The following TNFSF4 variants were observed in gnomAD, a reference collection of about 807,000 sequenced individuals.
The protein encoded by TNFSF4 is tumor necrosis factor ligand superfamily member 4.
TNFSF4 carries 4 observed loss-of-function variants against 7.3 expected under a neutral mutation model. The ratio of observed to expected loss-of-function variants is 0.55; its 90% CI spans 0.27 to 1.25. The LOEUF (loss-of-function observed/expected upper bound fraction) is 1.25. Among genes scored for constraint, TNFSF4 ranks in the 50% most tolerant of loss-of-function variants. The probability of loss-of-function intolerance (pLI) is 0.12; values close to 1 mark genes in which losing one functional copy is unlikely to be tolerated. For missense variants in TNFSF4, 181 were observed against 208.8 expected (o/e 0.87, Z 0.82); for synonymous variants, 76 against 83.7 (o/e 0.91, Z 0.50).
chr1:173,265,872 C>T, the TNFSF4 span, among the ~76,000 whole-genome samples: 7 of 152,096 alleles, frequency 4.6e-5, no homozygotes, highest in African/African-American at 9.7e-5. Context: ...ATGCTTCCTC[C>T]GATATTGTAT....
chr1:173,401,668 T>C, the TNFSF4 span, among the ~76,000 whole-genome samples: 2 of 152,268 alleles, frequency 1.3e-5, no homozygotes, highest in South Asian at 4.2e-4. Flanking sequence ...CTTTCCTGTA[T>C]CTCAAGCTAG....
chr1:173,203,450 G>C (rs1650037476), intron 1 of TNFSF4, among the ~76,000 whole-genome samples: 1 of 152,046 alleles, frequency 6.6e-6, no homozygotes, highest in Admixed American at 6.6e-5. Flanking sequence ...CAGGTCTATT[G>C]TTAAAAAAGA....
the TNFSF4 span, among the ~76,000 whole-genome samples, chr1:173,429,173 T>A: frequency 6.6e-6 from 1 of 152,222 alleles, no homozygotes. Context: ...TACTTGTATG[T>A]ATCTTTGAAA....
At chr1:173,402,215 C>T in the TNFSF4 span, among the ~76,000 whole-genome samples, 10 of 152,318 alleles carry the variant, frequency 6.6e-5, no homozygotes, top group Non-Finnish European at 5.9e-5. Flanking sequence ...AGGTACAACA[C>T]ATCTGCAATC....
chr1:173,245,765 T>C, the TNFSF4 span, among the ~76,000 whole-genome samples: 1 of 152,194 alleles, frequency 6.6e-6, no homozygotes, highest in Admixed American at 6.5e-5. Context: ...CCTTCCCCTC[T>C]GCTGACCAAT....
At chr1:173,224,069 A>G in the TNFSF4 span, among the ~76,000 whole-genome samples, 1 of 152,162 alleles carries the variant, frequency 6.6e-6, no homozygotes, top group Non-Finnish European at 1.5e-5. Flanking sequence ...ACTAGACTAG[A>G]GAGTAAAAGG....
chr1:173,208,718 G>A (rs908724091), upstream of TNFSF4, among the ~76,000 whole-genome samples: 1 of 152,062 alleles, frequency 6.6e-6, no homozygotes, highest in South Asian at 2.1e-4. Context: ...TACATACAGG[G>A]TGTGGAGAAA....
At chr1:173,250,592 T>C in the TNFSF4 span, among the ~76,000 whole-genome samples, 358 of 152,182 alleles carry the variant, frequency 2.4e-3, 1 homozygote, top group African/African-American at 8.3e-3. Context: ...CCCGAGTAGC[T>C]GGGACTACAG....
chr1:173,210,679 TCTGA>T (rs1200609210), upstream of TNFSF4, among the ~76,000 whole-genome samples: 4 of 151,904 alleles, frequency 2.6e-5, no homozygotes, highest in Non-Finnish European at 5.9e-5. Context: ...AAAAAATCAC[TCTGA>T]CTGAGGGAAA....
the TNFSF4 span, among the ~76,000 whole-genome samples, chr1:173,272,120 T>G: frequency 4.6e-5 from 7 of 151,998 alleles, no homozygotes; most frequent in Non-Finnish European, 8.8e-5. Context: ...CACCAAATAT[T>G]CTCACTCATA....
chr1:173,203,264 A>G (rs1319091506), intron 1 of TNFSF4, among the ~76,000 whole-genome samples: 6 of 151,446 alleles, frequency 4.0e-5, no homozygotes, highest in Non-Finnish European at 8.8e-5. Flanking sequence ...TTATCTGTAA[A>G]TAGACTATAT....
the TNFSF4 span, among the ~76,000 whole-genome samples, chr1:173,413,624 G>A: frequency 1.3e-5 from 2 of 152,264 alleles, no homozygotes; most frequent in East Asian, 1.9e-4. Flanking sequence ...AGGGTCAGAG[G>A]AGCGAGCAGC....
chr1:173,447,572 A>G, the TNFSF4 span, among the ~76,000 whole-genome samples: 1 of 152,046 alleles, frequency 6.6e-6, no homozygotes, highest in South Asian at 2.1e-4. Context: ...CTTTTTAAAG[A>G]TTTTTTTAAA....
intron 1 of TNFSF4, among the ~76,000 whole-genome samples, chr1:173,193,861 T>C (rs1467477461): frequency 1.3e-5 from 2 of 151,942 alleles, no homozygotes; most frequent in Non-Finnish European, 2.9e-5. Context: ...ACAAGCGTCA[T>C]GTCTGGCAGC....
At chr1:173,404,337 C>A in the TNFSF4 span, among the ~76,000 whole-genome samples, 1 of 152,256 alleles carries the variant, frequency 6.6e-6, no homozygotes, top group East Asian at 1.9e-4. Flanking sequence ...TTATCAGGAC[C>A]CCCATGGAAT....
chr1:173,342,850 T>C, the TNFSF4 span, among the ~76,000 whole-genome samples: 1 of 152,182 alleles, frequency 6.6e-6, no homozygotes, highest in African/African-American at 2.4e-5. Flanking sequence ...CTAGAAGTGA[T>C]CGTTTGGTAG....
At chr1:173,182,168 T>C (rs1213816574), downstream of TNFSF4, among the ~76,000 whole-genome samples, 1 of 152,242 alleles carries the variant, frequency 6.6e-6, no homozygotes, top group Admixed American at 6.5e-5. Flanking sequence ...AACTTGGTTC[T>C]TATGTTCTTA....
upstream of TNFSF4, among the ~76,000 whole-genome samples, chr1:173,207,939 C>G (rs932875540): frequency 3.3e-5 from 5 of 152,158 alleles, no homozygotes; most frequent in Non-Finnish European, 7.3e-5. Flanking sequence ...ATTCAATAAA[C>G]AATTATATGA....
chr1:173,248,925 T>C, the TNFSF4 span, among the ~76,000 whole-genome samples: 1 of 152,222 alleles, frequency 6.6e-6, no homozygotes, highest in African/African-American at 2.4e-5. Context: ...TTTTCATTAA[T>C]GGGATTTTAA....
Sources: allele counts gnomAD v4.1 joint callset (sites outside exome capture counted in the v4.1 genomes callset), GRCh38; gene constraint gnomAD v4.1.1; transcripts MANE v1.5; gene names NCBI Gene and HGNC (gene_info 2026-07-23, HGNC 2026-07-21).